The following PCDH9 variants were observed in gnomAD, a reference collection of about 807,000 sequenced individuals.
PCDH9 encodes the protein protocadherin 9.
Under a neutral mutation model 70.6 loss-of-function variants are expected in PCDH9, and 24 were observed. The observed-to-expected ratio is 0.34, with a 90% CI of 0.25 to 0.48. PCDH9 has a LOEUF of 0.48. PCDH9 is among the 20% of genes least tolerant of loss of function. PCDH9 has a pLI of 0.99. For missense variants in PCDH9, 1,281 were observed against 1,503.6 expected (o/e 0.85, Z 2.45); for synonymous variants, 562 against 558.5 (o/e 1.01, Z -0.09).
intron 3 of PCDH9, among the ~76,000 whole-genome samples, chr13:66,885,749 T>A (rs554150019): frequency 6.6e-6 from 1 of 152,290 alleles, no homozygotes; most frequent in African/African-American, 2.4e-5. Context: ...CTTATAAGAA[T>A]AAAACTTGAA....
intron 4 of PCDH9, among the ~76,000 whole-genome samples, chr13:66,512,557 C>G (rs12584306): frequency 6.6e-6 from 1 of 152,046 alleles, no homozygotes; most frequent in Non-Finnish European, 1.5e-5. Context: ...CCCCCAGATT[C>G]TAGATTCTGT....
rs58589562 is a variant in PCDH9 at position 66,849,517 on chromosome 13, TAG to T, written c.3138+53985_3138+53986del. 2.4e-4 allele frequency among the ~76,000 whole-genome samples: 15 copies of T among 63,578 alleles called. No individual in the cohort carries two copies. The East Asian group carries it at 2.7e-3, about 11-fold the overall frequency. 41.7% of individuals were successfully genotyped at this position (63,578 alleles called of 152,430 possible). A position where few individuals can be genotyped will look rare whatever the true frequency, so the allele number is the denominator to read the frequency against. The stretch of plus-strand genomic sequence containing the variant: ...ATATATATATATATATATATATATA[TAG>T]AGAGAGAGAGAGAGAGAGAGAGAGA... On this transcript the variant is annotated intron_variant, in intron 3 of 4. Transcript: ENST00000377865.
chr13:67,003,891 G>A (rs1019658671), intron 2 of PCDH9, among the ~76,000 whole-genome samples: 1 of 152,110 alleles, frequency 6.6e-6, no homozygotes, highest in Non-Finnish European at 1.5e-5. Context: ...TATCTGTCAC[G>A]AGTTCTGTAT....
chr13:66,980,129 TATC>T (rs1276603301), intron 2 of PCDH9, among the ~76,000 whole-genome samples: 2 of 146,080 alleles, frequency 1.4e-5, no homozygotes, highest in African/African-American at 5.1e-5. Context: ...TCTATCTATC[TATC>T]ATCACTTCTG....
chr13:66,500,033 C>T (rs993885357), intron 4 of PCDH9, among the ~76,000 whole-genome samples: 2 of 152,174 alleles, frequency 1.3e-5, no homozygotes, highest in African/African-American at 4.8e-5. Flanking sequence ...CCAAATAAAT[C>T]TCTTTTATTT....
intron 4 of PCDH9, among the ~76,000 whole-genome samples, chr13:66,373,339 G>A (rs969435181): frequency 1.3e-5 from 2 of 151,878 alleles, no homozygotes; most frequent in Non-Finnish European, 2.9e-5. Context: ...GGCGGGTTGG[G>A]GGGTGAATAA....
chr13:66,467,013 T>A (rs143344910), intron 4 of PCDH9, among the ~76,000 whole-genome samples: 40 of 152,168 alleles, frequency 2.6e-4, no homozygotes, highest in African/African-American at 9.4e-4. Flanking sequence ...GCAGAGGGGC[T>A]GGTGGCAAAA....
chr13:66,464,977 A>G (rs115149690), intron 4 of PCDH9, among the ~76,000 whole-genome samples: 2,233 of 152,046 alleles, frequency 0.015, 49 homozygotes, highest in African/African-American at 0.05. Context: ...ATCTTGCTAT[A>G]TTGAACACAT....
chr13:67,092,855 G>A (rs565193821), intron 2 of PCDH9, among the ~76,000 whole-genome samples: 4 of 152,164 alleles, frequency 2.6e-5, no homozygotes, highest in South Asian at 2.1e-4. Context: ...AGTTTCTCAC[G>A]TTGGCTTAAG....
At chr13:67,056,782 C>T (rs958487802) in intron 2 of PCDH9, among the ~76,000 whole-genome samples, 1 of 152,098 alleles carries the variant, frequency 6.6e-6, no homozygotes, top group Non-Finnish European at 1.5e-5. Context: ...TAGTGAGTGT[C>T]AGTGGATGCT....
At chr13:66,947,564 T>C (rs1375380818) in intron 2 of PCDH9, among the ~76,000 whole-genome samples, 1 of 152,074 alleles carries the variant, frequency 6.6e-6, no homozygotes, top group Non-Finnish European at 1.5e-5. Context: ...TTTTACTGTT[T>C]GTTGGTGGAA....
At chr13:66,849,344 T>A (rs528788921) in intron 3 of PCDH9, among the ~76,000 whole-genome samples, 1 of 151,988 alleles carries the variant, frequency 6.6e-6, no homozygotes, top group East Asian at 1.9e-4. Context: ...ATTTGATGAA[T>A]TATCAGGTTT....
At chr13:66,951,660 G>A (rs1022720141) in intron 2 of PCDH9, among the ~76,000 whole-genome samples, 3 of 152,170 alleles carry the variant, frequency 2.0e-5, no homozygotes, top group African/African-American at 7.2e-5. Context: ...CCATTGTGAT[G>A]CAAATGTCAA....
chr13:66,723,145 A>G (rs1162920503), intron 3 of PCDH9, among the ~76,000 whole-genome samples: 1 of 152,038 alleles, frequency 6.6e-6, no homozygotes, highest in Non-Finnish European at 1.5e-5. Context: ...ATTATATGCA[A>G]TCAAACATTT....
At position 66,665,952 on chromosome 13, in the gene PCDH9, T is replaced by TAATCAAGCCA; in HGVS notation, c.3139-34551_3139-34542dup. ...TAGACAGAATTCAAATAGCCTCAAA[T>TAATCAAGCCA]AATCAAGCCAAAGATTTCTCCTTCA... On this transcript the variant is annotated intron_variant, in intron 3 of 4. Coordinates refer to ENST00000377865, the MANE Select transcript of PCDH9 (RefSeq NM_203487.3). Among the ~76,000 whole-genome samples the TAATCAAGCCA allele has an allele frequency of 2.0e-5, 3 of 152,256 alleles. No individual in the cohort carries two copies. The South Asian group carries it at 6.2e-4, about 32-fold the overall frequency.
chr13:67,065,938 T>C (rs1278489922), intron 2 of PCDH9, among the ~76,000 whole-genome samples: 2 of 152,120 alleles, frequency 1.3e-5, no homozygotes, highest in East Asian at 1.9e-4. Flanking sequence ...TTAAAAGATA[T>C]CATGATTCGA....
intron 2 of PCDH9, among the ~76,000 whole-genome samples, chr13:66,950,717 C>T (rs1161506546): frequency 6.6e-6 from 1 of 152,070 alleles, no homozygotes; most frequent in Non-Finnish European, 1.5e-5. Flanking sequence ...ATCAACTCAG[C>T]ACTGCCAGGA....
intron 4 of PCDH9, among the ~76,000 whole-genome samples, chr13:66,331,648 T>A (rs1233294325): frequency 6.6e-6 from 1 of 152,296 alleles, no homozygotes; most frequent in East Asian, 1.9e-4. Flanking sequence ...TTTCTGCAAA[T>A]CTTTATTGAT....
At chr13:66,796,479 T>A (rs1038295980) in intron 3 of PCDH9, among the ~76,000 whole-genome samples, 2 of 152,156 alleles carry the variant, frequency 1.3e-5, no homozygotes, top group Non-Finnish European at 2.9e-5. Flanking sequence ...GACAGCTTCC[T>A]CAAATTAGTT....
Sources: gnomAD v4.1 joint callset for allele counts (sites outside exome capture counted in the v4.1 genomes callset) on GRCh38, gnomAD v4.1.1 for gene constraint, MANE v1.5 for transcripts, NCBI Gene and HGNC (gene_info 2026-07-23, HGNC 2026-07-21) for gene names.